Variants in SREK1IP1 observed in about 807,000 individuals in gnomAD.
SREK1IP1 encodes the protein protein SREK1IP1.
Under a neutral mutation model 22.8 loss-of-function variants are expected in SREK1IP1, and 12 were observed. The observed-to-expected ratio is 0.53, with a 90% CI of 0.34 to 0.85. The LOEUF (loss-of-function observed/expected upper bound fraction) is 0.85, where lower values mean the gene tolerates loss of function less well. Ranked by LOEUF, SREK1IP1 falls within the 40% of genes least tolerant of loss-of-function variation. SREK1IP1 has a pLI of 0.02. For missense variants in SREK1IP1, 147 were observed against 171.8 expected (o/e 0.86, Z 0.81); for synonymous variants, 53 against 52.7 (o/e 1.01, Z -0.02).
intron 3 of SREK1IP1, among the ~76,000 whole-genome samples, chr5:64,737,977 G>A (rs942267004): frequency 1.4e-4 from 21 of 152,108 alleles, no homozygotes; most frequent in African/African-American, 4.6e-4. Flanking sequence ...GGCTTTGCTG[G>A]TGAAGTCAAC....
chr5:64,729,353 G>T (rs1742334263), intron 3 of SREK1IP1, among the ~76,000 whole-genome samples: 1 of 152,178 alleles, frequency 6.6e-6, no homozygotes, highest in South Asian at 2.1e-4. Flanking sequence ...TCAGGAAGAG[G>T]AAATTAGTGC....
rs150000680 is a variant in SREK1IP1, at chr5:64,721,902, G to T, written c.*2482C>A. 1 of 151,818 alleles carries T rather than the reference G, an allele frequency of 6.6e-6. No individual in the cohort carries two copies. Among genetic ancestry groups the T allele is most frequent in the Admixed American group, 6.6e-5 (1 of 15,244 alleles). 9.4% of individuals were successfully genotyped at this position (151,818 alleles called of 1,614,324 possible). Reference sequence around the variant, plus strand: ...TTGAAGTGATTTCAGAGATAATCTGGTACAATATTTTATAGACGAAAGACA... The same window carrying T: ...TTGAAGTGATTTCAGAGATAATCTGTTACAATATTTTATAGACGAAAGACA... On this transcript the variant is annotated 3_prime_UTR_variant, in exon 5 of 5. Coordinates refer to ENST00000513458, the MANE Select transcript of SREK1IP1 (RefSeq NM_173829.4).
intron 3 of SREK1IP1, among the ~76,000 whole-genome samples, chr5:64,731,062 A>G (rs1742369124): frequency 6.6e-6 from 1 of 152,182 alleles, no homozygotes; most frequent in Non-Finnish European, 1.5e-5. Flanking sequence ...TGGAGTAAAA[A>G]GCGTACAGTG....
chr5:64,757,861 CTTTT>C (rs59456636), intron 1 of SREK1IP1, among the ~76,000 whole-genome samples: 66 of 72,954 alleles, frequency 9.0e-4, no homozygotes, highest in Non-Finnish European at 1.2e-3. Flanking sequence ...AGGTTCCTAT[CTTTT>C]TTTTTTTTTT....
rs546265053 is a variant in SREK1IP1, at chr5:64,760,779, C to A, written c.14-6417G>T. ...ACTGGCGAGCCATCTTTTCATGTTT[C>A]TTACCTCTTTCTTTAATTCTTACAG... On this transcript the variant is annotated intron_variant, in intron 1 of 4. Coordinates refer to ENST00000513458, the MANE Select transcript of SREK1IP1 (RefSeq NM_173829.4). Among the ~76,000 whole-genome samples the A allele has an allele frequency of 9.1e-4, 138 of 152,346 alleles. 1 individual carries two copies. Among genetic ancestry groups the A allele is most frequent in the African/African-American group, 2.9e-3 (121 of 41,576 alleles).
chr5:64,760,060 T>TA (rs1194595345), intron 1 of SREK1IP1, among the ~76,000 whole-genome samples: 1 of 152,210 alleles, frequency 6.6e-6, no homozygotes, highest in African/African-American at 2.4e-5. Context: ...TTGTTTTTAA[T>TA]AGGGACAGAG....
chr5:64,734,819 C>A (rs898635852), intron 3 of SREK1IP1, among the ~76,000 whole-genome samples: 2 of 151,988 alleles, frequency 1.3e-5, no homozygotes, highest in Admixed American at 1.3e-4. Context: ...TTGAAAGATT[C>A]TGTAGATACT....
At chr5:64,758,553 G>A (rs1742890139) in intron 1 of SREK1IP1, among the ~76,000 whole-genome samples, 1 of 152,196 alleles carries the variant, frequency 6.6e-6, no homozygotes, top group Admixed American at 6.5e-5. Flanking sequence ...ACTGCATGTT[G>A]AGAAAAGCTC....
At position 64,754,292 on chromosome 5, in the gene SREK1IP1, A is replaced by ATGTC. The variant is rs772367496; in HGVS notation, c.61+19_61+22dup. The ATGTC allele has an allele frequency of 1.4e-5, 23 of 1,612,214 alleles. No individual in the cohort carries two copies. In the South Asian group the frequency reaches 2.5e-4, roughly 18 times the overall value. ...GATTCCAGTATGAATAATGCAAAGC[A>ATGTC]TGTCATCTTTTAGAATACTTACGGT... On this transcript the variant is annotated intron_variant, in intron 2 of 4. Coordinates refer to ENST00000513458, the MANE Select transcript of SREK1IP1 (RefSeq NM_173829.4).
At chr5:64,767,038 T>C (rs1340907682) in intron 1 of SREK1IP1, among the ~76,000 whole-genome samples, 1 of 152,276 alleles carries the variant, frequency 6.6e-6, no homozygotes, top group African/African-American at 2.4e-5. Flanking sequence ...CAATATTAGC[T>C]ACAGCTACTA....
chr5:64,730,180 G>C (rs1742351774), intron 3 of SREK1IP1, among the ~76,000 whole-genome samples: 2 of 152,102 alleles, frequency 1.3e-5, no homozygotes. Flanking sequence ...CCAAGAAGTA[G>C]GAATGTTGAA....
intron 3 of SREK1IP1, among the ~76,000 whole-genome samples, chr5:64,729,220 G>A (rs1742331527): frequency 6.6e-6 from 1 of 152,140 alleles, no homozygotes; most frequent in African/African-American, 2.4e-5. Context: ...GTCAAGTACT[G>A]TGCTATGTAC....
intron 4 of SREK1IP1, among the ~76,000 whole-genome samples, chr5:64,725,926 G>A (rs1742257084): frequency 1.4e-5 from 2 of 146,174 alleles, no homozygotes; most frequent in Admixed American, 6.9e-5. Flanking sequence ...GTGCAATGGC[G>A]TGATCTCGGC....
At chr5:64,767,564 G>C (rs1238284788) in intron 1 of SREK1IP1, among the ~76,000 whole-genome samples, 1 of 152,190 alleles carries the variant, frequency 6.6e-6, no homozygotes, top group Non-Finnish European at 1.5e-5. Context: ...GTTCAAAAAG[G>C]CTGCCACAGA....
At chr5:64,736,288 T>C (rs1232582565) in intron 3 of SREK1IP1, among the ~76,000 whole-genome samples, 1 of 152,170 alleles carries the variant, frequency 6.6e-6, no homozygotes, top group Admixed American at 6.5e-5. Context: ...GTTGATAGTG[T>C]TACTCAAGTC....
chr5:64,751,144 G>C (rs576784771), intron 2 of SREK1IP1, among the ~76,000 whole-genome samples: 1 of 152,138 alleles, frequency 6.6e-6, no homozygotes, highest in Non-Finnish European at 1.5e-5. Flanking sequence ...ACATTTTTCA[G>C]TTCATTTCTT....
intron 2 of SREK1IP1, 104 bp from the exon 3 acceptor site, chr5:64,741,304 A>G: frequency 9.3e-7 from 1 of 1,075,244 alleles, no homozygotes; most frequent in Non-Finnish European, 1.4e-6. Context: ...TACAATTTCA[A>G]TAATATAATG....
chr5:64,726,575 C>CAA (rs1267636357), intron 4 of SREK1IP1, among the ~76,000 whole-genome samples: 3 of 54,700 alleles, frequency 5.5e-5, no homozygotes, highest in Non-Finnish European at 7.4e-5. Flanking sequence ...GACTCTGTCT[C>CAA]AAAAAAAAAA....
At chr5:64,759,795 C>T (rs975182699) in intron 1 of SREK1IP1, among the ~76,000 whole-genome samples, 8 of 152,154 alleles carry the variant, frequency 5.3e-5, no homozygotes, top group African/African-American at 1.9e-4. Context: ...AAAAACTATA[C>T]TGGGATTCCA....
Sources: allele counts gnomAD v4.1 joint callset (sites outside exome capture counted in the v4.1 genomes callset), GRCh38; gene constraint gnomAD v4.1.1; transcripts MANE v1.5; gene names NCBI Gene and HGNC (gene_info 2026-07-23, HGNC 2026-07-21).